TENM2: variants seen among roughly 807,000 people sequenced by gnomAD.
TENM2 encodes teneurin-2.
A neutral mutation model predicts 245.2 loss-of-function variants in TENM2; 52 were observed. The observed-to-expected ratio is 0.21, with a 90% CI of 0.17 to 0.27. The LOEUF (loss-of-function observed/expected upper bound fraction) is 0.27. Ranked by LOEUF, TENM2 falls within the 10% of genes least tolerant of loss-of-function variation. The pLI is 1.00. For synonymous variants in TENM2, 1,363 were observed against 1,438.9 expected (o/e 0.95, Z 1.19); for missense variants, 3,046 against 3,666.8 (o/e 0.83, Z 4.37).
intron 4 of TENM2, among the ~76,000 whole-genome samples, chr5:167,959,786 G>T (rs1445521945): frequency 6.6e-6 from 1 of 152,214 alleles, no homozygotes; most frequent in East Asian, 1.9e-4. Flanking sequence ...AGGTGTTCTG[G>T]TTTTTGGAAT....
At chr5:167,654,283 C>T (rs988520496) in intron 2 of TENM2, among the ~76,000 whole-genome samples, 13 of 152,116 alleles carry the variant, frequency 8.5e-5, no homozygotes, top group African/African-American at 3.1e-4. Flanking sequence ...CTCTTTAAAG[C>T]TCTTCATTGG....
At chr5:168,107,537 C>A (rs2152305161) in intron 9 of TENM2, among the ~76,000 whole-genome samples, 1 of 131,874 alleles carries the variant, frequency 7.6e-6, no homozygotes, top group South Asian at 2.7e-4. Flanking sequence ...CAGGAAGACC[C>A]CTTTTTAGCA....
the TENM2 span, among the ~76,000 whole-genome samples, chr5:167,079,124 A>G: frequency 1.3e-5 from 2 of 152,024 alleles, no homozygotes; most frequent in Non-Finnish European, 2.9e-5. Flanking sequence ...AGAAAGTGCT[A>G]TTAGTGTTCA....
chr5:167,771,978 G>A (rs1249331691), intron 2 of TENM2, among the ~76,000 whole-genome samples: 4 of 152,060 alleles, frequency 2.6e-5, no homozygotes, highest in Non-Finnish European at 1.5e-5. Flanking sequence ...TATAAATATG[G>A]TGGCCATACA....
intron 2 of TENM2, among the ~76,000 whole-genome samples, chr5:167,452,975 A>C (rs1254959060): frequency 5.6e-5 from 3 of 53,206 alleles, no homozygotes; most frequent in Admixed American, 1.8e-4. Context: ...AAAAAAAAAA[A>C]CACTGGTATG....
the TENM2 span, among the ~76,000 whole-genome samples, chr5:167,184,165 A>G: frequency 6.6e-6 from 1 of 152,258 alleles, no homozygotes; most frequent in Admixed American, 6.5e-5. Context: ...ATATCCGAGA[A>G]AATGAATTCT....
At chr5:168,224,921 T>C (rs1764018683) in intron 23 of TENM2, among the ~76,000 whole-genome samples, 1 of 152,214 alleles carries the variant, frequency 6.6e-6, no homozygotes. Context: ...TCTTCCAAAG[T>C]GGGGAAAGGC....
intron 1 of TENM2, among the ~76,000 whole-genome samples, chr5:167,293,976 C>G (rs1055455428): frequency 2.0e-5 from 3 of 148,754 alleles, no homozygotes; most frequent in Non-Finnish European, 3.0e-5. Flanking sequence ...GATGTGAGTT[C>G]TGTGTGTGTG....
intron 2 of TENM2, among the ~76,000 whole-genome samples, chr5:167,390,761 C>A (rs1285594438): frequency 6.6e-6 from 1 of 152,158 alleles, no homozygotes; most frequent in African/African-American, 2.4e-5. Flanking sequence ...CAGTGAAATG[C>A]AGAACAATTA....
chr5:168,133,541 T>G (rs1338053064), intron 12 of TENM2, among the ~76,000 whole-genome samples: 1 of 152,184 alleles, frequency 6.6e-6, no homozygotes, highest in African/African-American at 2.4e-5. Flanking sequence ...GCTCCCATAA[T>G]ATACACTAAA....
chr5:166,996,371 C>T, the TENM2 span, among the ~76,000 whole-genome samples: 1 of 152,050 alleles, frequency 6.6e-6, no homozygotes. Flanking sequence ...AACAAAACAA[C>T]AAAAATCAAA....
At chr5:168,260,283 A>G in exon 28 of TENM2, 2 of 1,613,928 alleles carry the variant, frequency 1.2e-6, no homozygotes, top group Non-Finnish European at 1.7e-6. Context: ...TCCACCATAG[A>G]TGTGAAAAGC....
the TENM2 span, among the ~76,000 whole-genome samples, chr5:167,075,966 A>C: frequency 2.0e-5 from 3 of 152,346 alleles, no homozygotes; most frequent in East Asian, 3.9e-4. Context: ...AACATAAGCC[A>C]GTCTTTTCCC....
intron 2 of TENM2, among the ~76,000 whole-genome samples, chr5:167,401,954 C>G (rs930944092): frequency 2.6e-5 from 4 of 152,138 alleles, no homozygotes; most frequent in Non-Finnish European, 5.9e-5. Flanking sequence ...CCTCCCCAAC[C>G]AACAAATGCA....
At chr5:167,394,059 T>C (rs2127369717) in intron 2 of TENM2, among the ~76,000 whole-genome samples, 1 of 152,320 alleles carries the variant, frequency 6.6e-6, no homozygotes, top group African/African-American at 2.4e-5. Context: ...TGCAAATATT[T>C]TCTCTCATTC....
chr5:167,294,730 T>A (rs1311080962), intron 1 of TENM2, among the ~76,000 whole-genome samples: 2 of 152,182 alleles, frequency 1.3e-5, no homozygotes, highest in African/African-American at 2.4e-5. Context: ...CAAGTGCCAG[T>A]CTATTCACAT....
intron 2 of TENM2, among the ~76,000 whole-genome samples, chr5:167,590,496 C>T (rs1775804198): frequency 6.6e-6 from 1 of 151,954 alleles, no homozygotes; most frequent in Non-Finnish European, 1.5e-5. Flanking sequence ...TAGATATTTG[C>T]ACTGTTACTA....
rs1321089975 is a variant in TENM2, at chr5:167,800,846, A to G, written c.503-75140A>G. ...CCTTTCTTGATTCCCTGGCAGAGAA[A>G]CCCCTTCAGGAACCACACTAATTTT... On this transcript the variant is annotated intron_variant, in intron 2 of 28. Coordinates refer to ENST00000518659, the Ensembl canonical transcript of TENM2. Among the ~76,000 whole-genome samples the G allele has an allele frequency of 9.2e-5, 14 of 151,748 alleles. 1 individual carries two copies. Among genetic ancestry groups the G allele is most frequent in the Admixed American group, 9.2e-4 (14 of 15,220 alleles).
intron 8 of TENM2, among the ~76,000 whole-genome samples, chr5:168,095,976 T>C (rs1457277974): frequency 6.6e-6 from 1 of 152,166 alleles, no homozygotes; most frequent in Admixed American, 6.5e-5. Context: ...GCATATGTCA[T>C]GGGTTGCACT....
Sources: allele counts gnomAD v4.1 joint callset (sites outside exome capture counted in the v4.1 genomes callset), GRCh38; gene constraint gnomAD v4.1.1; transcripts MANE v1.5; gene names NCBI Gene and HGNC (gene_info 2026-07-23, HGNC 2026-07-21).